MYCBP2: variants seen among roughly 807,000 people sequenced by gnomAD.
MYCBP2 encodes MYC binding protein 2.
MYCBP2 carries 120 observed loss-of-function variants against 525.3 expected under a neutral mutation model. The ratio of observed to expected loss-of-function variants is 0.23; its 90% CI spans 0.20 to 0.27. MYCBP2 has a LOEUF of 0.27. MYCBP2 is among the 10% of genes least tolerant of loss of function. The probability of loss-of-function intolerance (pLI) is 1.00; values close to 1 mark genes in which losing one functional copy is unlikely to be tolerated. For missense variants in MYCBP2, 4,149 were observed against 5,657.1 expected (o/e 0.73, Z 8.55); for synonymous variants, 1,894 against 1,955.8 (o/e 0.97, Z 0.83).
chr13:77,315,179 C>T (rs1270410109), intron 1 of MYCBP2, among the ~76,000 whole-genome samples: 2 of 152,162 alleles, frequency 1.3e-5, no homozygotes, highest in East Asian at 3.8e-4. Flanking sequence ...AATTCCAGGA[C>T]CAGATGGTGC....
intron 78 of MYCBP2, 64 bp from the exon 79 acceptor site, chr13:77,057,157 G>T: frequency 8.4e-7 from 1 of 1,188,172 alleles, no homozygotes; most frequent in Non-Finnish European, 1.3e-6. Flanking sequence ...GAGTGACTGG[G>T]AGATTATTTA....
chr13:77,146,792 G>A (rs2055655432), intron 47 of MYCBP2, among the ~76,000 whole-genome samples: 1 of 152,164 alleles, frequency 6.6e-6, no homozygotes, highest in African/African-American at 2.4e-5. Flanking sequence ...AGAACATGCA[G>A]CACCTGCTAC....
At chr13:77,315,658 T>A (rs2080838527) in intron 1 of MYCBP2, among the ~76,000 whole-genome samples, 1 of 151,902 alleles carries the variant, frequency 6.6e-6, no homozygotes, top group Admixed American at 6.6e-5. Context: ...ACTTTCAGAG[T>A]CTGAGGCAGG....
At chr13:77,049,391 T>C (rs1164887442) in intron 82 of MYCBP2, among the ~76,000 whole-genome samples, 4 of 152,170 alleles carry the variant, frequency 2.6e-5, no homozygotes, top group Admixed American at 6.5e-5. Flanking sequence ...ACCCTACTTA[T>C]CTTTATTTTG....
chr13:77,095,629 C>T, intron 57 of MYCBP2, 27 bp from the exon 58 acceptor site: 1 of 1,599,486 alleles, frequency 6.3e-7, no homozygotes. Flanking sequence ...TCAAACTAAT[C>T]TTTTCTGACT....
intron 1 of MYCBP2, among the ~76,000 whole-genome samples, chr13:77,322,149 T>A (rs1567258507): frequency 6.6e-6 from 1 of 152,070 alleles, no homozygotes; most frequent in East Asian, 1.9e-4. Context: ...TCAAAATAAG[T>A]AAAATAAAAT....
At chr13:77,087,345 C>G (rs2044492518) in intron 62 of MYCBP2, 139 bp downstream of exon 62, 3 of 733,328 alleles carry the variant, frequency 4.1e-6, no homozygotes, top group Non-Finnish European at 2.2e-6. Context: ...ATTATTAATA[C>G]TTTGCCCATA....
chr13:77,065,330 C>T (rs1231847657), intron 72 of MYCBP2, among the ~76,000 whole-genome samples: 2 of 152,198 alleles, frequency 1.3e-5, no homozygotes, highest in African/African-American at 2.4e-5. Flanking sequence ...TTCATCTTTC[C>T]CCCAGAAAAT....
chr13:77,279,682 C>T (rs536029118), intron 3 of MYCBP2, among the ~76,000 whole-genome samples: 1 of 152,288 alleles, frequency 6.6e-6, no homozygotes, highest in East Asian at 1.9e-4. Context: ...AATATTCTCT[C>T]TGCTGATATT....
At chr13:77,238,174 C>T (rs1433821239) in intron 17 of MYCBP2, among the ~76,000 whole-genome samples, 3 of 137,186 alleles carry the variant, frequency 2.2e-5, no homozygotes, top group South Asian at 4.7e-4. Context: ...ACCCAGGAGG[C>T]GGAGCTTGCA....
intron 1 of MYCBP2, among the ~76,000 whole-genome samples, chr13:77,300,860 G>A (rs1344899000): frequency 6.6e-6 from 1 of 152,172 alleles, no homozygotes; most frequent in Non-Finnish European, 1.5e-5. Context: ...AAATCCAGAG[G>A]TGGAAGAGCA....
intron 68 of MYCBP2, among the ~76,000 whole-genome samples, chr13:77,073,987 A>G (rs1219879409): frequency 1.4e-5 from 2 of 147,868 alleles, no homozygotes; most frequent in Admixed American, 1.4e-4. Context: ...TTCCAGTCAA[A>G]ATTCCATCCC....
rs760686461 is a variant in MYCBP2, at chr13:77,270,350, T to G, written c.1134A>C (p.Leu378=). 3.5e-5 allele frequency: 57 copies of G among 1,613,620 alleles called. No homozygotes were observed. Among genetic ancestry groups the G allele is most frequent in the Non-Finnish European group, 4.7e-5 (56 of 1,179,726 alleles). Residue 378 remains leucine (L), a synonymous_variant, in exon 6 of 83, where the codon CTA becomes CTC. Transcript: ENST00000544440. ...LLQNDGFFLY[L]LCKDGLYKIG... ...TTTTATATAATCCATCCTTGCATAATAGATAAAGAAAAAATCCATCATTCT... is the reference window on the plus strand; with the variant it reads ...TTTTATATAATCCATCCTTGCATAAGAGATAAAGAAAAAATCCATCATTCT...
chr13:77,310,546 T>C (rs764572191), intron 1 of MYCBP2, among the ~76,000 whole-genome samples: 16 of 152,206 alleles, frequency 1.1e-4, no homozygotes, highest in Non-Finnish European at 1.3e-4. Context: ...TTATTTACTA[T>C]CTGGTCATAT....
intron 52 of MYCBP2, among the ~76,000 whole-genome samples, chr13:77,133,051 C>G (rs1042754094): frequency 6.6e-5 from 10 of 152,132 alleles, no homozygotes; most frequent in African/African-American, 2.4e-4. Flanking sequence ...TTTGGCAGTT[C>G]TAGTCAAAGT....
chr13:77,141,770 C>CAAAAA (rs34124996), intron 49 of MYCBP2, among the ~76,000 whole-genome samples: 1 of 81,708 alleles, frequency 1.2e-5, no homozygotes, highest in Non-Finnish European at 2.6e-5. Context: ...GACTCTGTCT[C>CAAAAA]AAAAAAAAAA....
rs746521366 is a variant in MYCBP2 at position 77,077,372 on chromosome 13, T to C, written c.11500A>G (p.Arg3834Gly). The C allele has an allele frequency of 6.2e-6, 10 of 1,614,016 alleles. No homozygotes were observed. Among genetic ancestry groups the C allele is most frequent in the Non-Finnish European group, 8.5e-6 (10 of 1,179,906 alleles). ...CRIKQVDLDS[R>G]HIGWVTSELP... ...TCACTTGTTACCCAGCCAATGTGCC[T>C]GGAATCCAGATCAACCTGGTTGAGT... is the stretch of plus-strand genomic sequence containing the variant. Residue 3834 changes from arginine to glycine, a missense_variant, in exon 67 of 83, where the codon AGG becomes GGG. Coordinates refer to ENST00000544440, the MANE Select transcript of MYCBP2 (RefSeq NM_015057.5).
intron 65 of MYCBP2, among the ~76,000 whole-genome samples, chr13:77,079,296 A>G (rs1347926337): frequency 6.6e-6 from 1 of 152,188 alleles, no homozygotes; most frequent in Non-Finnish European, 1.5e-5. Flanking sequence ...GAGTGTCACA[A>G]TGTACCCAGA....
At chr13:77,173,374 T>G (rs1004363504) in intron 37 of MYCBP2, among the ~76,000 whole-genome samples, 1 of 152,220 alleles carries the variant, frequency 6.6e-6, no homozygotes, top group East Asian at 1.9e-4. Flanking sequence ...AAGAGAATAA[T>G]GTACTATTTA....
Sources: allele counts gnomAD v4.1 joint callset (sites outside exome capture counted in the v4.1 genomes callset), GRCh38; gene constraint gnomAD v4.1.1; transcripts MANE v1.5; gene names NCBI Gene and HGNC (gene_info 2026-07-23, HGNC 2026-07-21).